TLL2: variants seen among roughly 807,000 people sequenced by gnomAD.
The protein encoded by TLL2 is tolloid like 2, also known as tolloid-like protein 2.
TLL2 carries 106 observed loss-of-function variants against 123.0 expected under a neutral mutation model. That is an observed-to-expected ratio of 0.86 (90% CI 0.74 to 1.01). The LOEUF (loss-of-function observed/expected upper bound fraction) is 1.01. TLL2 is among the 50% of genes least tolerant of loss of function. The pLI is 0.00. For synonymous variants in TLL2, 494 were observed against 516.8 expected (o/e 0.96, Z 0.60); for missense variants, 1,332 against 1,336.7 (o/e 1.00, Z 0.06).
intron 10 of TLL2, among the ~76,000 whole-genome samples, chr10:96,403,580 A>G (rs899565464): frequency 1.3e-5 from 2 of 152,178 alleles, no homozygotes; most frequent in Admixed American, 1.3e-4. Context: ...AACCAAGGGC[A>G]CAGTGCACCT....
intron 15 of TLL2, among the ~76,000 whole-genome samples, chr10:96,385,854 G>A (rs954213520): frequency 6.6e-6 from 1 of 152,182 alleles, no homozygotes; most frequent in East Asian, 1.9e-4. Context: ...CAAGAGGGCC[G>A]GAGGTGCTCT....
At chr10:96,391,455 A>T (rs1846287264) in intron 13 of TLL2, among the ~76,000 whole-genome samples, 1 of 152,230 alleles carries the variant, frequency 6.6e-6, no homozygotes. Context: ...CAGTGTCAGA[A>T]TCAAATCACA....
Position 96,365,935 on chromosome 10 carries a change from CATT to C in TLL2, c.*2150_*2152del, listed in dbSNP as rs1294833810. 1 of 152,222 alleles carries C rather than the reference CATT, an allele frequency of 6.6e-6. No individual in the cohort carries two copies. Among genetic ancestry groups the C allele is most frequent in the Non-Finnish European group, 1.5e-5 (1 of 68,034 alleles). 9.4% of individuals were successfully genotyped at this position (152,222 alleles called of 1,614,324 possible). A position where few individuals can be genotyped will look rare whatever the true frequency, so the allele number is the denominator to read the frequency against. ...ATACTAAAGAGATAAAAAGAAGTATCATTGTTTCACCGTCCTGCTGAGCAGCAC... is the reference window on the plus strand; with the variant it reads ...ATACTAAAGAGATAAAAAGAAGTATCGTTTCACCGTCCTGCTGAGCAGCAC... On this transcript the variant is annotated 3_prime_UTR_variant, in exon 21 of 21. Coordinates refer to ENST00000357947, the MANE Select transcript of TLL2 (RefSeq NM_012465.4).
rs776504923 is a variant in TLL2 at position 96,373,671 on chromosome 10, C to T, written c.2587G>A (p.Gly863Ser). Residue 863 changes from glycine (G) to serine (S), a missense_variant, in exon 19 of 21, where the codon GGC (glycine) becomes AGC (serine). Physicochemically the swap from Gly to Ser is moderately conservative, Grantham distance 56 (BLOSUM62 0). Transcript: ENST00000357947. ...TAAAACCTGAGAAACATACTGCTGC[C>T]GGAAGCCACCGTGGGGTCTGGTTTC... ...SKKPDPTVASGSSMFLRFYSD... is the reference protein window; with the variant it reads ...SKKPDPTVASSSSMFLRFYSD... 1.8e-5 allele frequency: 29 copies of T among 1,614,124 alleles called. No individual in the cohort carries two copies. The highest frequency in any genetic ancestry group is 4.5e-5 in the East Asian group (2 of 44,896).
intron 13 of TLL2, among the ~76,000 whole-genome samples, chr10:96,393,303 T>C (rs541885848): frequency 3.3e-5 from 5 of 152,206 alleles, no homozygotes; most frequent in Non-Finnish European, 7.3e-5. Flanking sequence ...CCAGAAGAAA[T>C]TGTCGCATCG....
chr10:96,400,024 A>G (rs1846378500), intron 10 of TLL2, among the ~76,000 whole-genome samples: 1 of 152,188 alleles, frequency 6.6e-6, no homozygotes, highest in Non-Finnish European at 1.5e-5. Flanking sequence ...ACTCTCCCCA[A>G]ATCACTTTGT....
At chr10:96,400,237 G>A (rs1338240320) in intron 10 of TLL2, among the ~76,000 whole-genome samples, 1 of 150,708 alleles carries the variant, frequency 6.6e-6, no homozygotes, top group African/African-American at 2.4e-5. Context: ...TCACAGACGA[G>A]AAAACTGAGA....
At chr10:96,419,120 C>A (rs966005909) in intron 7 of TLL2, among the ~76,000 whole-genome samples, 1 of 152,160 alleles carries the variant, frequency 6.6e-6, no homozygotes, top group Non-Finnish European at 1.5e-5. Context: ...GCACACTGCA[C>A]TGGCGTCCTG....
chr10:96,454,018 C>A (rs924171725), intron 2 of TLL2, among the ~76,000 whole-genome samples: 1 of 151,956 alleles, frequency 6.6e-6, no homozygotes, highest in African/African-American at 2.4e-5. Flanking sequence ...CCTGCACACA[C>A]ACACACACAC....
Position 96,513,604 on chromosome 10 carries a change from C to T in TLL2, c.82G>A (p.Glu28Lys), listed in dbSNP as rs773555915. ...TAGTCTGCGGTGGCGTCCGGGCGCTCCCCGAGTCCCCCGGCGCCGCGAGGC... is the reference window on the plus strand; with the variant it reads ...TAGTCTGCGGTGGCGTCCGGGCGCTTCCCGAGTCCCCCGGCGCCGCGAGGC... The part of the protein sequence containing the change: ...PLPRGAGGLG[E>K]RPDATADYSE... The change falls in exon 1 of 21, where the codon GAG becomes AAG. Residue 28 changes from glutamate (E) to lysine (K), a missense_variant. By Grantham distance (56) the Glu-to-Lys change is moderately conservative. Coordinates refer to ENST00000357947, the MANE Select transcript of TLL2 (RefSeq NM_012465.4). 1 of 1,603,476 alleles carries T rather than the reference C, an allele frequency of 6.2e-7. No homozygotes were observed. Among genetic ancestry groups the T allele is most frequent in the Admixed American group, 1.7e-5 (1 of 59,896 alleles).
intron 2 of TLL2, among the ~76,000 whole-genome samples, chr10:96,451,258 G>A (rs1427350738): frequency 1.3e-5 from 2 of 152,122 alleles, no homozygotes; most frequent in African/African-American, 4.8e-5. Flanking sequence ...GCAACTTTGG[G>A]AGCAAGCTGC....
intron 16 of TLL2, among the ~76,000 whole-genome samples, chr10:96,384,281 G>A (rs538556952): frequency 2.6e-5 from 4 of 152,214 alleles, no homozygotes; most frequent in South Asian, 2.1e-4. Flanking sequence ...AGAACTTTCC[G>A]AGGCAGCATG....
intron 1 of TLL2, among the ~76,000 whole-genome samples, chr10:96,506,088 C>T (rs894820569): frequency 6.6e-6 from 1 of 151,570 alleles, no homozygotes; most frequent in Admixed American, 6.6e-5. Flanking sequence ...CCTGTCTCTA[C>T]TAAAAATACA....
chr10:96,432,178 C>T (rs1846749874), intron 4 of TLL2, among the ~76,000 whole-genome samples: 2 of 152,118 alleles, frequency 1.3e-5, no homozygotes, highest in South Asian at 4.1e-4. Flanking sequence ...TACTGTGTGC[C>T]AGGCACCACT....
At chr10:96,389,623 G>A (rs1846265716) in intron 13 of TLL2, among the ~76,000 whole-genome samples, 1 of 152,146 alleles carries the variant, frequency 6.6e-6, no homozygotes, top group African/African-American at 2.4e-5. Context: ...GAGCCCATTG[G>A]GAGAGACAGA....
chr10:96,476,240 A>ATATATATATATAT, intron 2 of TLL2, among the ~76,000 whole-genome samples: 2 of 20,494 alleles, frequency 9.8e-5, no homozygotes, highest in Non-Finnish European at 2.0e-4. Flanking sequence ...ATATATATAT[A>ATATATATATATAT]TTTTATTTTT....
At chr10:96,498,064 A>G (rs961676855) in intron 1 of TLL2, among the ~76,000 whole-genome samples, 42 of 152,166 alleles carry the variant, frequency 2.8e-4, no homozygotes, top group African/African-American at 8.9e-4. Context: ...CTAATTTTAC[A>G]TCTTATGTGC....
intron 16 of TLL2, among the ~76,000 whole-genome samples, chr10:96,379,588 G>A (rs368733403): frequency 1.7e-4 from 26 of 152,258 alleles, no homozygotes; most frequent in East Asian, 1.2e-3. Context: ...TTGGGAGGCC[G>A]AGGTGGGTGG....
At chr10:96,402,301 C>T (rs1290262914) in intron 10 of TLL2, among the ~76,000 whole-genome samples, 1 of 152,202 alleles carries the variant, frequency 6.6e-6, no homozygotes, top group Non-Finnish European at 1.5e-5. Flanking sequence ...ATTTGTGGTC[C>T]TTTCTACATT....
Sources: gnomAD v4.1 joint callset for allele counts (sites outside exome capture counted in the v4.1 genomes callset) on GRCh38, gnomAD v4.1.1 for gene constraint, MANE v1.5 for transcripts, NCBI Gene and HGNC (gene_info 2026-07-23, HGNC 2026-07-21) for gene names.